The following PCDHGB3 variants were observed in gnomAD, a reference collection of about 807,000 sequenced individuals.
PCDHGB3 encodes protocadherin gamma-B3.
Under a neutral mutation model 59.2 loss-of-function variants are expected in PCDHGB3, and 40 were observed. The ratio of observed to expected loss-of-function variants is 0.68; its 90% CI spans 0.52 to 0.88. PCDHGB3 has a LOEUF of 0.88. PCDHGB3 is among the 40% of genes least tolerant of loss of function. The pLI, the probability that PCDHGB3 is intolerant of heterozygous loss-of-function variation, is 0.00. For missense variants in PCDHGB3, 1,309 were observed against 1,187.9 expected (o/e 1.10, Z -1.50); for synonymous variants, 581 against 503.6 (o/e 1.15, Z -2.06).
At chr5:141,416,687 A>G (rs1283053610) in intron 1 of PCDHGB3, 1 of 152,270 alleles carries the variant, frequency 6.6e-6, no homozygotes, top group Non-Finnish European at 1.5e-5. Flanking sequence ...GGGAAATTAT[A>G]TAAACAAAGG....
At chr5:141,422,963 C>T (rs372620011) in intron 1 of PCDHGB3, 43 of 1,614,120 alleles carry the variant, frequency 2.7e-5, no homozygotes, top group Middle Eastern at 1.6e-4. Context: ...GTGGAGCTGG[C>T]GCCCCGCTCT....
In PCDHGB3 at chr5:141,371,051, G is replaced by T; in HGVS notation, c.657G>T (p.Glu219Asp). 6.2e-7 allele frequency: 1 copy of T among 1,613,960 alleles called. No homozygotes were observed. The highest frequency in any genetic ancestry group is 8.5e-7 in the Non-Finnish European group (1 of 1,179,886). The change falls in exon 1 of 4, where the codon GAG (glutamate) becomes GAT (aspartate). Residue 219 changes from glutamate to aspartate, a missense_variant. Physicochemically the swap from Glu to Asp is conservative, Grantham distance 45 (BLOSUM62 2). Transcript: ENST00000576222. The part of the protein sequence containing the change: ...HLVLTAVDGG[E>D]PSRSCTTQIR... The stretch of plus-strand genomic sequence containing the variant: ...TCCTCACAGCTGTGGATGGGGGCGA[G>T]CCCTCCAGAAGCTGTACCACCCAGA...
intron 1 of PCDHGB3, chr5:141,475,832 T>C: frequency 2.4e-6 from 1 of 410,610 alleles, no homozygotes; most frequent in Non-Finnish European, 4.4e-6. Flanking sequence ...CTAGCGCGTG[T>C]CCTGCTCAGA....
chr5:141,508,740 C>G (rs2099871405), intron 3 of PCDHGB3, among the ~76,000 whole-genome samples: 1 of 152,006 alleles, frequency 6.6e-6, no homozygotes. Flanking sequence ...CACCCCCCAC[C>G]CCGCTCTTTC....
At chr5:141,474,419 A>AT (rs1348108901) in intron 1 of PCDHGB3, among the ~76,000 whole-genome samples, 1 of 152,204 alleles carries the variant, frequency 6.6e-6, no homozygotes, top group Non-Finnish European at 1.5e-5. Context: ...TGCCTAGACC[A>AT]TTGGTCCTCA....
chr5:141,505,676 C>A (rs1308943385), intron 3 of PCDHGB3, among the ~76,000 whole-genome samples, 195 bp downstream of exon 3: 1 of 152,060 alleles, frequency 6.6e-6, no homozygotes, highest in South Asian at 2.1e-4. Context: ...GGTTGGGGGT[C>A]CTGGGATGCC....
chr5:141,394,633 G>A (rs1026935408), intron 1 of PCDHGB3: 57 of 1,613,274 alleles, frequency 3.5e-5, no homozygotes, highest in Middle Eastern at 1.7e-4. Flanking sequence ...CTGTCCTACC[G>A]CCTGCTCAAG....
chr5:141,409,165 G>T (rs2095233723), intron 1 of PCDHGB3: 1 of 1,613,886 alleles, frequency 6.2e-7, no homozygotes, highest in Admixed American at 1.7e-5. Flanking sequence ...AAGTGGAAGC[G>T]AAGGACGGAG....
Position 141,491,208 on chromosome 5 carries a change from C to A in PCDHGB3, c.2416-3599C>A. ...TGAGGGACAATGGTGACCCTTCACT[C>A]TCCTCCACAGCCACAGTGCTGCTGG... On this transcript the variant is annotated intron_variant, in intron 1 of 3. Coordinates refer to ENST00000576222, the MANE Select transcript of PCDHGB3 (RefSeq NM_018924.5). The surrounding 1 kb of genome is among the most constrained non-coding windows in gnomAD (Gnocchi z 6.9). The A allele has an allele frequency of 6.2e-7, 1 of 1,614,204 alleles. No homozygotes were observed. Among genetic ancestry groups the A allele is most frequent in the African/African-American group, 1.3e-5 (1 of 75,058 alleles).
At chr5:141,488,134 A>G (rs546928916) in intron 1 of PCDHGB3, among the ~76,000 whole-genome samples, 1 of 152,332 alleles carries the variant, frequency 6.6e-6, no homozygotes, top group African/African-American at 2.4e-5. Flanking sequence ...GAAAGAGGAG[A>G]GAACTAAAGG....
chr5:141,400,209 G>T (rs371270054), intron 1 of PCDHGB3: 8 of 1,613,934 alleles, frequency 5.0e-6, no homozygotes, highest in African/African-American at 2.7e-5. Flanking sequence ...CCTTGGCCTT[G>T]ATCTCAGTGC....
intron 1 of PCDHGB3, among the ~76,000 whole-genome samples, chr5:141,464,444 T>C (rs2099084887): frequency 6.6e-6 from 1 of 151,634 alleles, no homozygotes; most frequent in East Asian, 1.9e-4. Context: ...TGTTTGTTGT[T>C]GTTGTTGTTA....
intron 1 of PCDHGB3, chr5:141,415,663 T>C: frequency 6.3e-7 from 1 of 1,578,204 alleles, no homozygotes; most frequent in Non-Finnish European, 8.6e-7. Flanking sequence ...GATTGGTTTT[T>C]ACTTTGAAGT....
chr5:141,487,435 A>G lies in PCDHGB3; in HGVS notation c.2416-7372A>G, dbSNP rs776328527. On this transcript the variant is annotated intron_variant, in intron 1 of 3. Transcript: ENST00000576222. The surrounding 1 kb of genome is among the most constrained non-coding windows in gnomAD (Gnocchi z 5.0). ...CCAATGGGATCCTCCGAATCCAGCT[A>G]GGGTCAGATGACCCTATCAAGTTTG... 3.7e-6 allele frequency: 6 copies of G among 1,614,164 alleles called. No individual in the cohort carries two copies. In the South Asian group the frequency reaches 6.6e-5, roughly 18 times the overall value.
In PCDHGB3 at chr5:141,476,303, G is replaced by T. The variant is rs747567754; in HGVS notation, c.2416-18504G>T. ...TGGTTTGGATCTCGGTAGCCTCTCA[G>T]CCCGCAGGTTCCGGGTGGTGTCTGG... is the stretch of plus-strand genomic sequence containing the variant. On this transcript the variant is annotated intron_variant, in intron 1 of 3. Coordinates refer to ENST00000576222, the MANE Select transcript of PCDHGB3 (RefSeq NM_018924.5). The surrounding 1 kb of genome is among the most constrained non-coding windows in gnomAD (Gnocchi z 7.6). 6.2e-7 allele frequency: 1 copy of T among 1,613,872 alleles called. No individual in the cohort carries two copies. Among genetic ancestry groups the T allele is most frequent in the Admixed American group, 1.7e-5 (1 of 60,000 alleles).
intron 1 of PCDHGB3, chr5:141,399,954 G>A (rs1327007587): frequency 3.7e-6 from 6 of 1,612,110 alleles, no homozygotes; most frequent in Non-Finnish European, 4.2e-6. Context: ...AGGCTAGCGA[G>A]CCCGGGCTCT....
intron 1 of PCDHGB3, chr5:141,423,675 T>C: frequency 1.3e-6 from 2 of 1,540,488 alleles, no homozygotes; most frequent in Non-Finnish European, 1.7e-6. Flanking sequence ...GATTTATTTC[T>C]CTGCCTCCTA....
chr5:141,430,477 A>G (rs1329218924), intron 1 of PCDHGB3: 1 of 244,524 alleles, frequency 4.1e-6, no homozygotes, highest in Non-Finnish European at 7.7e-6. Context: ...TATTTAAGAT[A>G]TAAAAACGAA....
intron 1 of PCDHGB3, chr5:141,419,910 C>A (rs539905795): frequency 1.9e-6 from 3 of 1,613,968 alleles, no homozygotes; most frequent in Non-Finnish European, 2.5e-6. Flanking sequence ...CCCTCTGACT[C>A]CCAGGCTGAG....
Sources: allele counts gnomAD v4.1 joint callset (sites outside exome capture counted in the v4.1 genomes callset), GRCh38; gene constraint gnomAD v4.1.1; non-coding constraint Gnocchi (gnomAD v3.1); transcripts MANE v1.5; gene names NCBI Gene and HGNC (gene_info 2026-07-23, HGNC 2026-07-21).